Variants in VPS8 observed in about 807,000 individuals in gnomAD.
VPS8 encodes vacuolar protein sorting-associated protein 8 homolog.
VPS8 carries 129 observed loss-of-function variants against 216.4 expected under a neutral mutation model. The ratio of observed to expected loss-of-function variants is 0.60; its 90% confidence interval spans 0.52 to 0.69. The LOEUF (loss-of-function observed/expected upper bound fraction) is 0.69. VPS8 is among the 30% of genes least tolerant of loss of function. VPS8 has a pLI of 0.00. For synonymous variants in VPS8, 571 were observed against 565.4 expected (o/e 1.01, Z -0.14); for missense variants, 1,531 against 1,683.5 (o/e 0.91, Z 1.59).
At chr3:184,982,728 A>G (rs1044616547) in intron 41 of VPS8, 81 bp downstream of exon 41, 1 of 1,165,904 alleles carries the variant, frequency 8.6e-7, no homozygotes, top group African/African-American at 1.5e-5. Flanking sequence ...TCAGTATAAT[A>G]TCTTTTTCCA....
At chr3:185,000,580 A>T (rs1753268047) in intron 45 of VPS8, among the ~76,000 whole-genome samples, 1 of 151,030 alleles carries the variant, frequency 6.6e-6, no homozygotes, top group Admixed American at 6.6e-5. Flanking sequence ...ACATAGTGAA[A>T]AGTTGGGCTT....
At chr3:184,854,902 G>A (rs1299126825) in intron 13 of VPS8, among the ~76,000 whole-genome samples, 1 of 152,166 alleles carries the variant, frequency 6.6e-6, no homozygotes, top group Non-Finnish European at 1.5e-5. Flanking sequence ...ATGAGGAGAG[G>A]TGTTGATAGG....
rs751966624 is a variant in VPS8 at position 184,832,829 on chromosome 3, C to G, written c.353+10C>G. On this transcript the variant is annotated intron_variant, in intron 4 of 47. Coordinates refer to ENST00000625842, the MANE Select transcript of VPS8 (RefSeq NM_001009921.3). Reference sequence around the variant, plus strand: ...GGACCAACTTAAAAAGGTAGGTATTCATGTCAATCATACTTGCTTACAGTT... The same window carrying G: ...GGACCAACTTAAAAAGGTAGGTATTGATGTCAATCATACTTGCTTACAGTT... The G allele has an allele frequency of 3.1e-6, 5 of 1,601,514 alleles. No individual in the cohort carries two copies. Among genetic ancestry groups the G allele is most frequent in the Non-Finnish European group, 4.3e-6 (5 of 1,173,956 alleles).
intron 45 of VPS8, among the ~76,000 whole-genome samples, chr3:185,000,709 C>T (rs553505806): frequency 6.6e-5 from 10 of 151,188 alleles, no homozygotes; most frequent in South Asian, 4.2e-4. Flanking sequence ...CCTGGGTTCA[C>T]GCCATTCTGC....
intron 36 of VPS8, among the ~76,000 whole-genome samples, chr3:184,942,104 A>G (rs569235658): frequency 7.2e-5 from 11 of 152,288 alleles, no homozygotes; most frequent in African/African-American, 2.2e-4. Flanking sequence ...AATAAAAAGC[A>G]AATACAAATA....
intron 30 of VPS8, among the ~76,000 whole-genome samples, chr3:184,925,798 G>C (rs1169246299): frequency 7.1e-6 from 1 of 140,516 alleles, no homozygotes; most frequent in East Asian, 2.1e-4. Context: ...TTTTGAGACA[G>C]AGTCTGGCTC....
chr3:184,868,885 G>C, intron 18 of VPS8, 61 bp from the exon 19 acceptor site: 1 of 1,457,114 alleles, frequency 6.9e-7, no homozygotes, highest in Admixed American at 2.1e-5. Flanking sequence ...GGTGGAATAG[G>C]AATTCTGACT....
chr3:184,828,547 TTC>T (rs1363470338), intron 3 of VPS8, among the ~76,000 whole-genome samples: 1 of 152,186 alleles, frequency 6.6e-6, no homozygotes, highest in Non-Finnish European at 1.5e-5. Context: ...ACTATGCTTC[TTC>T]TGAGATTTTT....
At chr3:184,961,409 A>G (rs546750464) in intron 37 of VPS8, among the ~76,000 whole-genome samples, 1 of 152,336 alleles carries the variant, frequency 6.6e-6, no homozygotes, top group African/African-American at 2.4e-5. Flanking sequence ...TTTCAAATTT[A>G]CAGAAATGTG....
intron 46 of VPS8, among the ~76,000 whole-genome samples, chr3:185,043,039 G>A (rs986780900): frequency 6.6e-6 from 1 of 152,126 alleles, no homozygotes; most frequent in Non-Finnish European, 1.5e-5. Context: ...CTAACCTTAT[G>A]ATGGCACCAC....
chr3:184,850,529 C>G (rs1171954777), intron 10 of VPS8, among the ~76,000 whole-genome samples: 2 of 152,132 alleles, frequency 1.3e-5, no homozygotes, highest in Non-Finnish European at 2.9e-5. Context: ...GGTTTATTTT[C>G]TTTCAGGCCT....
intron 21 of VPS8, among the ~76,000 whole-genome samples, chr3:184,876,231 TCTTTA>T (rs1037676860): frequency 1.3e-5 from 2 of 152,218 alleles, no homozygotes; most frequent in African/African-American, 4.8e-5. Flanking sequence ...TTCTTCCTTT[TCTTTA>T]CTTAACCAAG....
Position 184,854,127 on chromosome 3 carries a change from G to C in VPS8, c.989G>C (p.Gly330Ala). 1 of 1,613,784 alleles carries C rather than the reference G, an allele frequency of 6.2e-7. No individual in the cohort carries two copies. The highest frequency in any genetic ancestry group is 8.5e-7 in the Non-Finnish European group (1 of 1,179,770). The stretch of plus-strand genomic sequence containing the variant: ...TTTCTCTTACAGATACTGGTCATTG[G>C]ATTGAAACCATCCTTGAAAGTATGG... ...MASLTKILVI[G>A]LKPSLKVWMT... The change falls in exon 13 of 48, where the codon GGA becomes GCA. Residue 330 changes from glycine to alanine, a missense_variant. Physicochemically the swap from Gly to Ala is moderately conservative, Grantham distance 60. Around this residue, in one of 3 missense-constraint regions of VPS8, gnomAD observed 1,318 missense variants for 1,468.4 expected, o/e 0.90. Transcript: ENST00000625842.
At chr3:185,013,332 C>T (rs1175655151) in intron 45 of VPS8, among the ~76,000 whole-genome samples, 1 of 152,204 alleles carries the variant, frequency 6.6e-6, no homozygotes, top group Non-Finnish European at 1.5e-5. Context: ...GCAAAGGCAG[C>T]TTTGCATGGT....
At chr3:184,865,169 C>G (rs549831078) in intron 16 of VPS8, among the ~76,000 whole-genome samples, 2 of 152,268 alleles carry the variant, frequency 1.3e-5, no homozygotes, top group East Asian at 3.9e-4. Flanking sequence ...TATTAGTGAA[C>G]TGTGAGACCA....
At chr3:184,851,240 T>C (rs1724187706) in intron 10 of VPS8, among the ~76,000 whole-genome samples, 1 of 152,136 alleles carries the variant, frequency 6.6e-6, no homozygotes, top group South Asian at 2.1e-4. Flanking sequence ...AAGAATGCAG[T>C]TGAGATAAAT....
At chr3:184,835,229 T>C (rs1720808336) in intron 5 of VPS8, among the ~76,000 whole-genome samples, 1 of 152,198 alleles carries the variant, frequency 6.6e-6, no homozygotes, top group South Asian at 2.1e-4. Flanking sequence ...CTGTATTCTA[T>C]TTTACAAATG....
intron 40 of VPS8, among the ~76,000 whole-genome samples, chr3:184,972,223 GA>G (rs1748546782): frequency 6.6e-6 from 1 of 152,202 alleles, no homozygotes; most frequent in Non-Finnish European, 1.5e-5. Flanking sequence ...TTACTATAAA[GA>G]GTGTGTGGCT....
At chr3:185,048,814 T>G (rs1713530766) in intron 47 of VPS8, among the ~76,000 whole-genome samples, 1 of 152,118 alleles carries the variant, frequency 6.6e-6, no homozygotes, top group Admixed American at 6.5e-5. Flanking sequence ...CCTCTGTGTT[T>G]GACCTCCCTC....
Sources: gnomAD v4.1 joint callset for allele counts (sites outside exome capture counted in the v4.1 genomes callset) on GRCh38, gnomAD v4.1.1 for gene constraint, gnomAD v4.1.1 regional missense constraint, MANE v1.5 for transcripts, NCBI Gene and HGNC (gene_info 2026-07-23, HGNC 2026-07-21) for gene names.